The following EXD3 variants were observed in gnomAD, a reference collection of about 807,000 sequenced individuals.
EXD3 encodes the protein exonuclease mut-7 homolog.
A neutral mutation model predicts 98.0 loss-of-function variants in EXD3; 92 were observed. The ratio of observed to expected loss-of-function variants is 0.94; its 90% CI spans 0.79 to 1.12. The LOEUF is 1.12. Ranked by LOEUF, EXD3 falls within the 50% of genes most tolerant of loss-of-function variation. The pLI is 0.00. For synonymous variants in EXD3, 569 were observed against 526.0 expected (o/e 1.08, Z -1.12); for missense variants, 1,222 against 1,191.6 (o/e 1.03, Z -0.38).
chr9:137,399,316 C>T lies in EXD3; in HGVS notation c.-47-3912G>A, dbSNP rs137983544. Among the ~76,000 whole-genome samples, 335 of 152,330 alleles carry T rather than the reference C, an allele frequency of 2.2e-3. 1 individual carries two copies. Among genetic ancestry groups the T allele is most frequent in the African/African-American group, 6.8e-3 (283 of 41,572 alleles). On this transcript the variant is annotated intron_variant, in intron 1 of 21. Coordinates refer to ENST00000340951, the MANE Select transcript of EXD3 (RefSeq NM_017820.5). ...TGGTCCCCTGGGGGCTCCGTGGCCACCCTTCTGCATGTGGCTTCCCGATGG... is the reference window on the plus strand; with the variant it reads ...TGGTCCCCTGGGGGCTCCGTGGCCATCCTTCTGCATGTGGCTTCCCGATGG...
Position 137,324,028 on chromosome 9 carries a change from A to G in EXD3, c.2052+62T>C. On this transcript the variant is annotated intron_variant, in intron 18 of 21. Coordinates refer to ENST00000340951, the MANE Select transcript of EXD3 (RefSeq NM_017820.5). This position sits in a 1 kb window ranked among gnomAD's most constrained non-coding sequence, Gnocchi z 4.1. ...GCTGACCCTGAGGTGGGGGTGGCCG[A>G]GGGGCTGGGGGCTTGGGAAGATGGG... is the stretch of plus-strand genomic sequence containing the variant. The G allele has an allele frequency of 6.5e-7, 1 of 1,546,868 alleles. No homozygotes were observed. The highest frequency in any genetic ancestry group is 8.8e-7 in the Non-Finnish European group (1 of 1,142,566).
At chr9:137,406,890 C>A (rs1837739339) in intron 1 of EXD3, among the ~76,000 whole-genome samples, 1 of 152,060 alleles carries the variant, frequency 6.6e-6, no homozygotes, top group African/African-American at 2.4e-5. Context: ...CTGGGGACGG[C>A]CTTGCGCGCT....
intron 2 of EXD3, among the ~76,000 whole-genome samples, chr9:137,387,300 G>A (rs117317700): frequency 0.01 from 1,587 of 152,310 alleles, 17 homozygotes; most frequent in Middle Eastern, 0.02. Flanking sequence ...CACGGTGCCC[G>A]CCCCAGCCAT....
intron 8 of EXD3, among the ~76,000 whole-genome samples, chr9:137,355,618 G>GAAGGAGA (rs1834683006): frequency 1.8e-4 from 5 of 28,410 alleles, no homozygotes; most frequent in South Asian, 1.1e-3. Context: ...GAGGAAGGAG[G>GAAGGAGA]AAGGGAGGAT....
intron 14 of EXD3, 77 bp downstream of exon 14, chr9:137,350,961 A>C: frequency 1.7e-6 from 2 of 1,155,654 alleles, no homozygotes; most frequent in Non-Finnish European, 1.2e-6. Flanking sequence ...GCCGCTGGGA[A>C]GGTGTGGAGG....
chr9:137,402,249 C>T (rs1328967435), intron 1 of EXD3, among the ~76,000 whole-genome samples: 4 of 152,094 alleles, frequency 2.6e-5, no homozygotes, highest in African/African-American at 4.8e-5. Context: ...CTCCTGACCT[C>T]GTGATCCGCC....
At position 137,407,117 on chromosome 9, in the gene EXD3, C is replaced by G. The variant is rs1325429338; in HGVS notation, c.-47-11713G>C. 1.3e-5 allele frequency among the ~76,000 whole-genome samples: 2 copies of G among 152,116 alleles called. No individual in the cohort carries two copies. The highest frequency in any genetic ancestry group is 2.9e-5 in the Non-Finnish European group (2 of 68,012). On this transcript the variant is annotated intron_variant, in intron 1 of 21. Transcript: ENST00000340951. The surrounding 1 kb of genome is among the most constrained non-coding windows in gnomAD (Gnocchi z 4.4). ...GGGCGGCCTGCGGAGCAGCCAGTCC[C>G]GGGCACCCCACGCCGACCGCCGCGC... is the stretch of plus-strand genomic sequence containing the variant.
chr9:137,329,134 AG>A (rs1300340683), intron 17 of EXD3, among the ~76,000 whole-genome samples: 93 of 1,494 alleles, frequency 0.062, 4 homozygotes, highest in East Asian at 0.5. Context: ...GCTACACGGG[AG>A]CTACACGGGA....
chr9:137,419,948 A>G (rs971999259), intron 1 of EXD3, among the ~76,000 whole-genome samples: 17 of 152,264 alleles, frequency 1.1e-4, no homozygotes, highest in Middle Eastern at 3.4e-3. Context: ...TCACGAGGTC[A>G]GGAGATCGAG....
chr9:137,309,774 T>C (rs1831267445), intron 19 of EXD3, 74 bp from the exon 20 acceptor site: 2 of 1,132,342 alleles, frequency 1.8e-6, no homozygotes, highest in South Asian at 2.7e-5. Context: ...CTCTGCTCGC[T>C]CCTCGAAGCT....
At chr9:137,327,265 C>G (rs540595501) in intron 17 of EXD3, among the ~76,000 whole-genome samples, 1 of 152,070 alleles carries the variant, frequency 6.6e-6, no homozygotes, top group East Asian at 1.9e-4. Context: ...TCCTGAGTAG[C>G]TGGGACTATA....
intron 1 of EXD3, among the ~76,000 whole-genome samples, chr9:137,415,899 G>C (rs1318187161): frequency 6.6e-6 from 1 of 152,230 alleles, no homozygotes; most frequent in East Asian, 1.9e-4. Flanking sequence ...ACGCTGCACG[G>C]TGCAAGGTCC....
Position 137,372,967 on chromosome 9 carries a change from C to T in EXD3, c.400G>A (p.Ala134Thr), listed in dbSNP as rs1247282875. The T allele has an allele frequency of 6.2e-7, 1 of 1,603,624 alleles. No homozygotes were observed. The part of the protein sequence containing the change: ...PLASIFQLQD[A>T]DRSCLLAHVH... The stretch of plus-strand genomic sequence containing the variant: ...TGTGCCAGCAGGCAGCTCCTGTCTG[C>T]ATCCTGCAGCTGGAAGATGCTGGCC... The change falls in exon 5 of 22, where the codon GCA becomes ACA. Residue 134 changes from alanine (A) to threonine (T), a missense_variant. By Grantham distance (58) the Ala-to-Thr change is moderately conservative (BLOSUM62 0). Transcript: ENST00000340951.
chr9:137,391,094 A>T (rs116829290), intron 2 of EXD3, among the ~76,000 whole-genome samples: 2,815 of 150,072 alleles, frequency 0.019, 89 homozygotes, highest in African/African-American at 0.064. Context: ...GCTTCTCCTT[A>T]CCCCCCTCCC....
chr9:137,309,808 C>G (rs1215494343), intron 19 of EXD3, 108 bp from the exon 20 acceptor site: 6 of 802,058 alleles, frequency 7.5e-6, no homozygotes, highest in East Asian at 2.7e-5. Flanking sequence ...TGGGGTTTCA[C>G]AGAGACAGAT....
intron 3 of EXD3, among the ~76,000 whole-genome samples, chr9:137,376,574 A>G (rs1204636638): frequency 6.6e-6 from 1 of 151,780 alleles, no homozygotes; most frequent in Non-Finnish European, 1.5e-5. Flanking sequence ...TGCCAACTCA[A>G]CTTCCAGGTA....
In EXD3 at chr9:137,348,275, C is replaced by T. The variant is rs1834042018; in HGVS notation, c.1831-37G>A. ...CCCTGGTCAGCAGTCCCACGGTCAC[C>T]CCCCAGCCCCTCACAGCCTCAGAGA... is the stretch of plus-strand genomic sequence containing the variant. On this transcript the variant is annotated intron_variant, in intron 16 of 21. Coordinates refer to ENST00000340951, the MANE Select transcript of EXD3 (RefSeq NM_017820.5). 3 of 1,586,716 alleles carry T rather than the reference C, an allele frequency of 1.9e-6. No individual in the cohort carries two copies. The South Asian group carries it at 3.4e-5, about 18-fold the overall frequency.
chr9:137,373,578 C>G lies in EXD3; in HGVS notation c.142G>C (p.Gly48Arg). The change falls in exon 4 of 22, where the codon GGG becomes CGG. Residue 48 changes from glycine to arginine, a missense_variant. Physicochemically the swap from Gly to Arg is moderately radical, Grantham distance 125. Coordinates refer to ENST00000340951, the MANE Select transcript of EXD3 (RefSeq NM_017820.5). ...AGGGGGTCGTCCAAGGCAGCAAACC[C>G]CCGCCAGGCTTCCTCCCGGAGCTGT... ...RKQLREEAWR[G>R]FAALDDPLAG... 1 of 1,602,812 alleles carries G rather than the reference C, an allele frequency of 6.2e-7. No individual in the cohort carries two copies. Among genetic ancestry groups the G allele is most frequent in the South Asian group, 1.1e-5 (1 of 89,232 alleles).
chr9:137,411,952 G>A (rs1031208840), intron 1 of EXD3, among the ~76,000 whole-genome samples: 9 of 152,286 alleles, frequency 5.9e-5, no homozygotes, highest in African/African-American at 1.2e-4. Flanking sequence ...GCCTTGTGCC[G>A]CCAGCAGGCG....
Sources: allele counts gnomAD v4.1 joint callset (sites outside exome capture counted in the v4.1 genomes callset), GRCh38; gene constraint gnomAD v4.1.1; non-coding constraint Gnocchi (gnomAD v3.1); transcripts MANE v1.5; gene names NCBI Gene and HGNC (gene_info 2026-07-23, HGNC 2026-07-21).